FREM3: variants seen among roughly 807,000 people sequenced by gnomAD.
FREM3 encodes FRAS1-related extracellular matrix protein 3.
A neutral mutation model predicts 129.1 loss-of-function variants in FREM3; 105 were observed. That is an observed-to-expected ratio of 0.81 (90% CI 0.69 to 0.96). The LOEUF (loss-of-function observed/expected upper bound fraction) is 0.96, where lower values mean the gene tolerates loss of function less well. Ranked by LOEUF, FREM3 falls within the 40% of genes least tolerant of loss-of-function variation. FREM3 has a pLI of 0.00. For synonymous variants in FREM3, 1,014 were observed against 1,044.9 expected, an observed-to-expected ratio of 0.97 and a Z score of 0.57; for missense variants, 2,593 against 2,666.3, an observed-to-expected ratio of 0.97 and a Z score of 0.61.
At chr4:143,601,827 A>C (rs577383633) in intron 6 of FREM3, 1 of 151,804 alleles carries the variant, frequency 6.6e-6, no homozygotes, top group African/African-American at 2.4e-5. Context: ...TCTTTGTCTT[A>C]CTCCATGATA....
intron 2 of FREM3, among the ~76,000 whole-genome samples, chr4:143,652,099 T>G (rs1901080): frequency 1 from 105,225 of 105,282 alleles, 52,584 homozygotes; most frequent in Middle Eastern, 1. Context: ...GTGCCCTAAA[T>G]ATATAAATTT....
intron 2 of FREM3, among the ~76,000 whole-genome samples, chr4:143,661,818 G>T (rs1262598256): frequency 6.6e-6 from 1 of 152,192 alleles, no homozygotes; most frequent in African/African-American, 2.4e-5. Flanking sequence ...TTAGTCTTGG[G>T]AGGGTGTATG....
At chr4:143,581,115 T>G (rs1379691205) in intron 7 of FREM3, among the ~76,000 whole-genome samples, 2 of 152,168 alleles carry the variant, frequency 1.3e-5, no homozygotes, top group Non-Finnish European at 2.9e-5. Flanking sequence ...TCCAGCCCAG[T>G]GCAGCAGGAT....
At chr4:143,603,927 C>T (rs1346599226) in intron 6 of FREM3, among the ~76,000 whole-genome samples, 1 of 152,158 alleles carries the variant, frequency 6.6e-6, no homozygotes, top group Non-Finnish European at 1.5e-5. Context: ...CCTTCTGATA[C>T]AGTTTGGATA....
Position 143,627,736 on chromosome 4 carries a change from G to A in FREM3, c.5300C>T (p.Pro1767Leu). 2 of 1,535,510 alleles carry A rather than the reference G, an allele frequency of 1.3e-6. No individual in the cohort carries two copies. The highest frequency in any genetic ancestry group is 1.7e-6 in the Non-Finnish European group (2 of 1,145,610). The change falls in exon 3 of 8, where the codon CCT becomes CTT. Residue 1767 changes from proline (P) to leucine (L), a missense_variant. Pro to Leu is a moderately conservative substitution (Grantham distance 98). Around this residue, in one of 2 missense-constraint regions of FREM3, gnomAD observed 2,276 missense variants for 2,267.2 expected, o/e 1.00. Transcript: ENST00000329798. ...AATCCAAGCCCAGTTTAGATGGAAA[G>A]GCTGATTTGTTAGTTTATTTCCTCC... Reference protein sequence around the residue: ...DNGGNKLTNQPFHLNWAWICL... With the variant: ...DNGGNKLTNQLFHLNWAWICL...
chr4:143,699,248 C>T lies in FREM3; in HGVS notation c.1428G>A (p.Leu476=), dbSNP rs1289758144. 1 of 1,537,172 alleles carries T rather than the reference C, an allele frequency of 6.5e-7. No homozygotes were observed. The change falls in exon 1 of 8, where the codon TTG becomes TTA. Residue 476 remains leucine (L), a synonymous_variant. Coordinates refer to ENST00000329798, the MANE Select transcript of FREM3 (RefSeq NM_001168235.2). The surrounding 1 kb of genome is among the most constrained non-coding windows in gnomAD (Gnocchi z 4.2). ...CAAACACCACCAGCTGCCCATGTCTCAAGCCCCTGACTGCAGCCATTTTCA... is the reference window on the plus strand; with the variant it reads ...CAAACACCACCAGCTGCCCATGTCTTAAGCCCCTGACTGCAGCCATTTTCA... ...EEVKMAAVRG[L]RHGQLVVFGA...
Position 143,595,430 on chromosome 4 carries a change from G to A in FREM3, c.6029-9437C>T, listed in dbSNP as rs115779676. ...AAAATATTTTTTACTTCAGTTCAAC[G>A]AACATCTATTGAGCATCCCCTATGT... On this transcript the variant is annotated intron_variant, in intron 6 of 7. Transcript: ENST00000329798. Among the ~76,000 whole-genome samples the A allele has an allele frequency of 2.8e-3, 422 of 152,170 alleles. 1 individual carries two copies. The highest frequency in any genetic ancestry group is 9.7e-3 in the African/African-American group (404 of 41,466).
intron 2 of FREM3, among the ~76,000 whole-genome samples, chr4:143,651,531 G>A (rs1226836993): frequency 6.6e-6 from 1 of 152,192 alleles, no homozygotes; most frequent in African/African-American, 2.4e-5. Flanking sequence ...GAGTCTGGAG[G>A]GGCTTAGAAT....
At chr4:143,616,432 T>C (rs1738846009) in intron 5 of FREM3, among the ~76,000 whole-genome samples, 1 of 152,110 alleles carries the variant, frequency 6.6e-6, no homozygotes, top group Non-Finnish European at 1.5e-5. Context: ...CAGAGAATCT[T>C]TTTTAAAAGG....
At chr4:143,590,969 G>A (rs1274909750) in intron 6 of FREM3, among the ~76,000 whole-genome samples, 1 of 152,234 alleles carries the variant, frequency 6.6e-6, no homozygotes, top group African/African-American at 2.4e-5. Flanking sequence ...AGTCTTGGGA[G>A]AGTGTATATG....
At chr4:143,674,930 C>T (rs1004631303) in intron 2 of FREM3, among the ~76,000 whole-genome samples, 3 of 152,162 alleles carry the variant, frequency 2.0e-5, no homozygotes, top group Non-Finnish European at 2.9e-5. Flanking sequence ...TAGACTCCCA[C>T]ACAATAATAA....
At chr4:143,638,193 C>A (rs1479981295) in intron 2 of FREM3, among the ~76,000 whole-genome samples, 2 of 152,076 alleles carry the variant, frequency 1.3e-5, no homozygotes, top group Non-Finnish European at 2.9e-5. Context: ...CTTTTGCATG[C>A]CTCAACAGGG....
At chr4:143,691,099 G>A (rs13135627) in intron 2 of FREM3, among the ~76,000 whole-genome samples, 37,120 of 152,086 alleles carry the variant, frequency 0.24, 5,586 homozygotes, top group South Asian at 0.33. Flanking sequence ...AAATCCACTG[G>A]ATAAATGAAT....
At position 143,606,547 on chromosome 4, in the gene FREM3, A is replaced by G. The variant is rs936928334; in HGVS notation, c.6028+4732T>C. ...GCAATTAGTAACTTTAAAAGGAAGA[A>G]AATATTTATCTATGGAAGATTTGGT... is the stretch of plus-strand genomic sequence containing the variant. On this transcript the variant is annotated intron_variant, in intron 6 of 7. Transcript: ENST00000329798. 2.6e-5 allele frequency among the ~76,000 whole-genome samples: 4 copies of G among 152,094 alleles called. No individual in the cohort carries two copies. The East Asian group carries it at 7.7e-4, about 29-fold the overall frequency.
chr4:143,646,792 G>T (rs1017663581), intron 2 of FREM3, among the ~76,000 whole-genome samples: 13 of 152,196 alleles, frequency 8.5e-5, no homozygotes, highest in African/African-American at 3.1e-4. Flanking sequence ...AGAGAGTGGG[G>T]TTCTTCTATA....
chr4:143,688,553 G>A (rs1740407607), intron 2 of FREM3, among the ~76,000 whole-genome samples: 1 of 152,070 alleles, frequency 6.6e-6, no homozygotes, highest in Non-Finnish European at 1.5e-5. Context: ...CCAAAAAAGA[G>A]CCTGTATAGC....
chr4:143,659,714 C>T (rs1739670302), intron 2 of FREM3, among the ~76,000 whole-genome samples: 1 of 150,472 alleles, frequency 6.6e-6, no homozygotes, highest in Non-Finnish European at 1.5e-5. Flanking sequence ...TAAAAGTGTT[C>T]CTATTTCTCC....
Position 143,689,025 on chromosome 4 carries a change from C to T in FREM3, c.5275+4088G>A, listed in dbSNP as rs141454029. Among the ~76,000 whole-genome samples, 597 of 152,068 alleles carry T rather than the reference C, an allele frequency of 3.9e-3. 3 individuals carry two copies. Among genetic ancestry groups the T allele is most frequent in the African/African-American group, 0.014 (582 of 41,502 alleles). On this transcript the variant is annotated intron_variant, in intron 2 of 7. Coordinates refer to ENST00000329798, the MANE Select transcript of FREM3 (RefSeq NM_001168235.2). ...TGCAATAAAAGCAAAGATAAATAGC[C>T]GGGACCTAATTAAACGAAAGAGCTT... is the stretch of plus-strand genomic sequence containing the variant.
Position 143,696,847 on chromosome 4 carries a change from C to G in FREM3, c.3829G>C (p.Glu1277Gln). 1 of 1,537,716 alleles carries G rather than the reference C, an allele frequency of 6.5e-7. No homozygotes were observed. Among genetic ancestry groups the G allele is most frequent in the South Asian group, 1.2e-5 (1 of 84,056 alleles). ...CTCAGCCAGACCTCAAAACTGTCCT[C>G]TTTTGTCTCTGAGTCATCATGCTCA... ...VYEHDDSETK[E>Q]DSFEVWLSDG... The change falls in exon 1 of 8, where the codon GAG becomes CAG. Residue 1277 changes from glutamate (E) to glutamine (Q), a missense_variant. Coordinates refer to ENST00000329798, the MANE Select transcript of FREM3 (RefSeq NM_001168235.2).
Sources: gnomAD v4.1 joint callset for allele counts (sites outside exome capture counted in the v4.1 genomes callset) on GRCh38, gnomAD v4.1.1 for gene constraint, gnomAD v4.1.1 regional missense constraint, Gnocchi (gnomAD v3.1) non-coding constraint, MANE v1.5 for transcripts, NCBI Gene and HGNC (gene_info 2026-07-23, HGNC 2026-07-21) for gene names.